The following CTNNA3 variants were observed in gnomAD, a reference collection of about 807,000 sequenced individuals.
CTNNA3 encodes catenin alpha-3.
A neutral mutation model predicts 95.7 loss-of-function variants in CTNNA3; 76 were observed. The observed-to-expected ratio is 0.79, with a 90% CI of 0.66 to 0.96. The LOEUF is 0.96. CTNNA3 is among the 40% of genes least tolerant of loss of function. CTNNA3 has a pLI of 0.00. For synonymous variants in CTNNA3, 431 were observed against 374.4 expected (o/e 1.15, Z -1.74); for missense variants, 1,191 against 1,089.8 (o/e 1.09, Z -1.31).
intron 11 of CTNNA3, among the ~76,000 whole-genome samples, chr10:66,505,185 T>G (rs1305829154): frequency 6.6e-6 from 1 of 152,180 alleles, no homozygotes; most frequent in African/African-American, 2.4e-5. Context: ...GAAAGCACCT[T>G]AAGTGAACTT....
At chr10:66,981,863 T>C (rs1355448562) in intron 7 of CTNNA3, among the ~76,000 whole-genome samples, 2 of 152,192 alleles carry the variant, frequency 1.3e-5, no homozygotes, top group Non-Finnish European at 2.9e-5. Flanking sequence ...CAGTGTTCTA[T>C]AATTTTCCCA....
intron 7 of CTNNA3, among the ~76,000 whole-genome samples, chr10:66,978,552 A>AAAAAAAAATAT: frequency 7.9e-5 from 3 of 37,866 alleles, no homozygotes; most frequent in African/African-American, 2.6e-4. Context: ...AAAAAAAAAA[A>AAAAAAAAATAT]ATATATATAT....
In CTNNA3 at chr10:65,920,241, G is replaced by A. The variant is rs1053900151; in HGVS notation, c.*89C>T. ...TTTGTGAGTTAAACACCAAAACTTA[G>A]TGAAATTACAGAACTTCTTAAGTGT... On this transcript the variant is annotated 3_prime_UTR_variant, in exon 18 of 18. Coordinates refer to ENST00000433211, the MANE Select transcript of CTNNA3 (RefSeq NM_013266.4). 6.0e-6 allele frequency: 7 copies of A among 1,160,128 alleles called. No homozygotes were observed. In the African/African-American group the frequency reaches 9.3e-5, roughly 15 times the overall value. 71.9% of individuals were successfully genotyped at this position (1,160,128 alleles called of 1,614,324 possible). A position where few individuals can be genotyped will look rare whatever the true frequency, so the allele number is the denominator to read the frequency against.
At chr10:67,377,252 C>T (rs1843726753) in intron 5 of CTNNA3, among the ~76,000 whole-genome samples, 1 of 152,120 alleles carries the variant, frequency 6.6e-6, no homozygotes, top group African/African-American at 2.4e-5. Flanking sequence ...AGAAAACCTT[C>T]TGTACTAGAA....
At chr10:66,914,199 C>T (rs1373801963) in intron 7 of CTNNA3, among the ~76,000 whole-genome samples, 1 of 148,568 alleles carries the variant, frequency 6.7e-6, no homozygotes, top group Non-Finnish European at 1.5e-5. Flanking sequence ...GGCACGATCT[C>T]GGCTCACTGC....
intron 7 of CTNNA3, among the ~76,000 whole-genome samples, chr10:67,065,876 A>G (rs1856040034): frequency 6.6e-6 from 1 of 152,126 alleles, no homozygotes; most frequent in African/African-American, 2.4e-5. Flanking sequence ...ACCTCAACTA[A>G]AAGAGGGATA....
chr10:66,953,124 G>A (rs528763896), intron 7 of CTNNA3, among the ~76,000 whole-genome samples: 2 of 152,072 alleles, frequency 1.3e-5, no homozygotes, highest in African/African-American at 2.4e-5. Context: ...GTCTGACCTC[G>A]GTTATCTTAA....
chr10:67,086,858 A>T (rs976935601), intron 7 of CTNNA3, among the ~76,000 whole-genome samples: 1 of 152,056 alleles, frequency 6.6e-6, no homozygotes, highest in Non-Finnish European at 1.5e-5. Flanking sequence ...TCATTCTGCC[A>T]TACTTATATA....
At chr10:66,338,701 G>A (rs1291702099) in intron 12 of CTNNA3, among the ~76,000 whole-genome samples, 1 of 151,810 alleles carries the variant, frequency 6.6e-6, no homozygotes, top group East Asian at 1.9e-4. Context: ...GAGGCAGGTT[G>A]TTAACTGTGA....
At chr10:67,094,548 T>C (rs1473601518) in intron 7 of CTNNA3, among the ~76,000 whole-genome samples, 2 of 151,694 alleles carry the variant, frequency 1.3e-5, no homozygotes, top group Non-Finnish European at 2.9e-5. Flanking sequence ...GATATTTAGG[T>C]TCTTCATATT....
intron 15 of CTNNA3, among the ~76,000 whole-genome samples, chr10:66,047,998 T>A (rs7093332): frequency 0.19 from 28,802 of 152,086 alleles, 3,080 homozygotes; most frequent in Middle Eastern, 0.26. Flanking sequence ...TGGAAAAACA[T>A]CCCATGCTTG....
At chr10:66,837,275 C>T (rs1017132193) in intron 7 of CTNNA3, among the ~76,000 whole-genome samples, 2 of 152,102 alleles carry the variant, frequency 1.3e-5, no homozygotes, top group African/African-American at 4.8e-5. Flanking sequence ...TAATGTGACA[C>T]TCCATTTGAA....
intron 15 of CTNNA3, among the ~76,000 whole-genome samples, chr10:65,992,749 T>C (rs1478554538): frequency 1.3e-5 from 2 of 152,104 alleles, no homozygotes; most frequent in Non-Finnish European, 2.9e-5. Context: ...AGTTCTGTTC[T>C]TATCTTTATT....
intron 10 of CTNNA3, among the ~76,000 whole-genome samples, chr10:66,621,019 A>T (rs1844726770): frequency 6.6e-6 from 1 of 152,110 alleles, no homozygotes; most frequent in Non-Finnish European, 1.5e-5. Context: ...CTTCAAAACC[A>T]TTTGTCATGT....
At chr10:67,488,025 A>T (rs747709487) in intron 5 of CTNNA3, among the ~76,000 whole-genome samples, 1 of 152,222 alleles carries the variant, frequency 6.6e-6, no homozygotes, top group Non-Finnish European at 1.5e-5. Flanking sequence ...TTTAATAGGG[A>T]TTCATGCATC....
chr10:67,360,418 A>G (rs74476562), intron 5 of CTNNA3, among the ~76,000 whole-genome samples: 1 of 144,814 alleles, frequency 6.9e-6, no homozygotes, highest in Non-Finnish European at 1.5e-5. Context: ...GCAAGCAGGA[A>G]AAAAAAAAAA....
intron 5 of CTNNA3, among the ~76,000 whole-genome samples, chr10:67,422,560 G>C (rs191485434): frequency 6.6e-6 from 1 of 152,240 alleles, no homozygotes; most frequent in Non-Finnish European, 1.5e-5. Context: ...TGTCAAATTA[G>C]AGGAGGGGCC....
At chr10:66,823,420 A>G (rs1842371321) in intron 7 of CTNNA3, among the ~76,000 whole-genome samples, 3 of 152,096 alleles carry the variant, frequency 2.0e-5, no homozygotes, top group African/African-American at 7.2e-5. Context: ...ATTATTTCCT[A>G]TTTACTAACT....
intron 7 of CTNNA3, among the ~76,000 whole-genome samples, chr10:67,113,525 G>GATC (rs915224825): frequency 3.9e-5 from 6 of 152,164 alleles, no homozygotes; most frequent in African/African-American, 1.2e-4. Flanking sequence ...ATTCTCAGGT[G>GATC]ATCGGTTAGA....
Sources: allele counts gnomAD v4.1 joint callset (sites outside exome capture counted in the v4.1 genomes callset), GRCh38; gene constraint gnomAD v4.1.1; transcripts MANE v1.5; gene names NCBI Gene and HGNC (gene_info 2026-07-23, HGNC 2026-07-21).